Variants in ISM1 observed in about 807,000 individuals in gnomAD.
The protein encoded by ISM1 is isthmin 1, also known as isthmin-1.
ISM1 carries 25 observed loss-of-function variants against 46.3 expected under a neutral mutation model. The ratio of observed to expected loss-of-function variants is 0.54; its 90% confidence interval spans 0.39 to 0.75. The LOEUF is 0.75. ISM1 is among the 30% of genes least tolerant of loss of function. ISM1 has a pLI of 0.00. For synonymous variants in ISM1, 255 were observed against 256.7 expected (o/e 0.99, Z 0.06); for missense variants, 536 against 625.4 (o/e 0.86, Z 1.52).
chr20:13,255,579 A>G (rs1207515654), intron 1 of ISM1, among the ~76,000 whole-genome samples: 1 of 152,238 alleles, frequency 6.6e-6, no homozygotes, highest in Non-Finnish European at 1.5e-5. Flanking sequence ...GGAGTTTTCT[A>G]TGTGGATAAG....
chr20:13,244,956 G>C (rs1035185148), intron 1 of ISM1, among the ~76,000 whole-genome samples: 6 of 152,194 alleles, frequency 3.9e-5, no homozygotes, highest in Admixed American at 1.3e-4. Context: ...AACAATGAAA[G>C]AAAGGAGTGG....
At chr20:13,325,280 T>C in the ISM1 span, among the ~76,000 whole-genome samples, 4 of 152,328 alleles carry the variant, frequency 2.6e-5, no homozygotes, top group East Asian at 7.7e-4. Context: ...AGGTCTCTTC[T>C]GAAATGCGAG....
chr20:13,278,167 C>T (rs935027142), intron 2 of ISM1, among the ~76,000 whole-genome samples: 2 of 152,122 alleles, frequency 1.3e-5, no homozygotes, highest in Admixed American at 6.6e-5. Flanking sequence ...GAACCCAATG[C>T]GTCTTTTATT....
chr20:13,269,206 T>C (rs1295523929), intron 1 of ISM1, among the ~76,000 whole-genome samples: 1 of 152,206 alleles, frequency 6.6e-6, no homozygotes, highest in African/African-American at 2.4e-5. Context: ...GGTGAAATTC[T>C]ATCTCCTTGT....
At chr20:13,316,945 C>CAAGAAA in the ISM1 span, among the ~76,000 whole-genome samples, 20 of 149,942 alleles carry the variant, frequency 1.3e-4, no homozygotes, top group African/African-American at 4.9e-4. Flanking sequence ...TGCAATAAGA[C>CAAGAAA]AAGAAAAAGA....
chr20:13,271,278 T>C, intron 2 of ISM1, among the ~76,000 whole-genome samples: 1 of 152,124 alleles, frequency 6.6e-6, no homozygotes. Flanking sequence ...ATACATGACT[T>C]ACAAAACAAT....
chr20:13,284,462 A>G (rs1180620214), intron 3 of ISM1, among the ~76,000 whole-genome samples: 1 of 152,168 alleles, frequency 6.6e-6, no homozygotes, highest in Non-Finnish European at 1.5e-5. Flanking sequence ...TGCCGTTGTC[A>G]TTATCTTTGT....
intron 2 of ISM1, among the ~76,000 whole-genome samples, chr20:13,274,884 A>G (rs773715665): frequency 2.6e-5 from 4 of 152,216 alleles, no homozygotes; most frequent in Admixed American, 6.5e-5. Flanking sequence ...ATGGTCTCAG[A>G]CTACTAAACT....
intron 5 of ISM1, among the ~76,000 whole-genome samples, chr20:13,296,241 C>A (rs2040405794): frequency 6.6e-6 from 1 of 152,172 alleles, no homozygotes; most frequent in African/African-American, 2.4e-5. Flanking sequence ...CCCCTCTGTG[C>A]CTTTGCCTGA....
intron 1 of ISM1, among the ~76,000 whole-genome samples, chr20:13,243,598 T>G (rs367580264): frequency 2.6e-5 from 4 of 152,246 alleles, no homozygotes; most frequent in South Asian, 4.1e-4. Context: ...AAAACGACCA[T>G]CTGAATGCCA....
intron 1 of ISM1, among the ~76,000 whole-genome samples, chr20:13,256,395 CAAAA>C (rs559300861): frequency 0.022 from 1,602 of 71,728 alleles, 11 homozygotes; most frequent in Middle Eastern, 0.058. Flanking sequence ...GACCCCGTCT[CAAAA>C]AAAAAAAAAA....
intron 2 of ISM1, among the ~76,000 whole-genome samples, chr20:13,278,548 G>T (rs2040205414): frequency 6.6e-6 from 1 of 152,232 alleles, no homozygotes; most frequent in Non-Finnish European, 1.5e-5. Context: ...GTTAGGGACA[G>T]CATGGGCTCT....
At position 13,279,649 on chromosome 20, in the gene ISM1, G is replaced by A. The variant is rs781345960; in HGVS notation, c.394G>A (p.Val132Ile). The A allele has an allele frequency of 1.2e-6, 2 of 1,613,650 alleles. No individual in the cohort carries two copies. The highest frequency in any genetic ancestry group is 2.2e-5 in the South Asian group (2 of 90,992). The change falls in exon 3 of 6, where the codon GTC becomes ATC. Residue 132 changes from valine to isoleucine, a missense_variant. Around this residue, in one of 2 missense-constraint regions of ISM1, gnomAD observed 367 missense variants for 376.1 expected, o/e 0.98. Coordinates refer to ENST00000262487, the MANE Select transcript of ISM1 (RefSeq NM_080826.2). ...AATTCTTCAGGTCACCATAGAGGTG[G>A]TCGACGGTCCTGACTCTGAAGCAGA... ...NPNIQVTIEV[V>I]DGPDSEADKD...
intron 1 of ISM1, among the ~76,000 whole-genome samples, chr20:13,242,643 T>C (rs1381435970): frequency 6.6e-6 from 1 of 152,202 alleles, no homozygotes; most frequent in Non-Finnish European, 1.5e-5. Context: ...CCTGCACTTC[T>C]CTTGAATGGA....
intron 1 of ISM1, among the ~76,000 whole-genome samples, chr20:13,261,350 A>C (rs6041974): frequency 0.22 from 32,733 of 151,744 alleles, 3,964 homozygotes; most frequent in East Asian, 0.45. Context: ...CCCAGAAGGC[A>C]GAGGTTGCAG....
chr20:13,306,141 G>T, the ISM1 span, among the ~76,000 whole-genome samples: 1 of 152,122 alleles, frequency 6.6e-6, no homozygotes, highest in Non-Finnish European at 1.5e-5. Context: ...ATTCATGGAT[G>T]ATTTTCAAAA....
the ISM1 span, among the ~76,000 whole-genome samples, chr20:13,316,860 A>G: frequency 6.6e-6 from 1 of 151,946 alleles, no homozygotes; most frequent in South Asian, 2.1e-4. Flanking sequence ...AAGCTTTCCC[A>G]CTAAGATTAG....
the ISM1 span, among the ~76,000 whole-genome samples, chr20:13,315,441 G>C: frequency 2.6e-5 from 4 of 152,000 alleles, no homozygotes; most frequent in African/African-American, 9.7e-5. Flanking sequence ...GGGATAAAAC[G>C]AGTTGTTACG....
the ISM1 span, among the ~76,000 whole-genome samples, chr20:13,324,454 A>G: frequency 6.6e-6 from 1 of 152,198 alleles, no homozygotes; most frequent in Admixed American, 6.5e-5. Context: ...TCTTGTCCAC[A>G]TTTTAGGCAG....
Sources: allele counts gnomAD v4.1 joint callset (sites outside exome capture counted in the v4.1 genomes callset), GRCh38; gene constraint gnomAD v4.1.1; regional missense constraint gnomAD v4.1.1; transcripts MANE v1.5; gene names NCBI Gene and HGNC (gene_info 2026-07-23, HGNC 2026-07-21).